RBFOX1: variants seen among roughly 807,000 people sequenced by gnomAD.
RBFOX1 encodes RNA binding protein fox-1 homolog 1.
Under a neutral mutation model 57.7 loss-of-function variants are expected in RBFOX1, and 8 were observed. The observed-to-expected ratio is 0.14, with a 90% confidence interval of 0.08 to 0.25. The LOEUF (loss-of-function observed/expected upper bound fraction) is 0.25, where lower values mean the gene tolerates loss of function less well. Among genes scored for constraint, RBFOX1 ranks in the 10% least tolerant of loss-of-function variants. The pLI is 1.00. For missense variants in RBFOX1, 611 were observed against 548.5 expected (o/e 1.11, Z -1.14); for synonymous variants, 326 against 222.4 (o/e 1.47, Z -4.15).
intron 1 of RBFOX1, among the ~76,000 whole-genome samples, chr16:6,239,298 T>A (rs1427792273): frequency 6.6e-6 from 1 of 152,086 alleles, no homozygotes; most frequent in Non-Finnish European, 1.5e-5. Context: ...TTACAGTCCT[T>A]GTTGGGGTTA....
chr16:6,897,174 G>C (rs188314619), intron 3 of RBFOX1, among the ~76,000 whole-genome samples: 51 of 152,328 alleles, frequency 3.3e-4, no homozygotes, highest in African/African-American at 1.1e-3. Context: ...CTGTAGAGTA[G>C]AGATTTAAAC....
At chr16:6,231,064 A>C (rs1019087164) in intron 1 of RBFOX1, among the ~76,000 whole-genome samples, 2 of 152,160 alleles carry the variant, frequency 1.3e-5, no homozygotes, top group Non-Finnish European at 2.9e-5. Context: ...GATAGAAACT[A>C]ATTAAAGAAG....
In RBFOX1 at chr16:6,116,755, A is replaced by T. The variant is rs566442725; in HGVS notation, c.-127+96763A>T. 7.2e-5 allele frequency among the ~76,000 whole-genome samples: 11 copies of T among 152,282 alleles called. 2 individuals carry two copies. The South Asian group carries it at 2.3e-3, about 32-fold the overall frequency. On this transcript the variant is annotated intron_variant, in intron 1 of 15. Transcript: ENST00000550418. ...GTACACATACCTCAGCTGATAGGGG[A>T]GAAAACAGAACTCCCGTGAATAAGA...
intron 14 of RBFOX1, among the ~76,000 whole-genome samples, chr16:7,705,713 A>T (rs1261187685): frequency 6.6e-6 from 1 of 152,142 alleles, no homozygotes. Context: ...GAGAGATTTG[A>T]TACATGTAAA....
chr16:7,359,230 G>C (rs1265373320), intron 4 of RBFOX1, among the ~76,000 whole-genome samples: 1 of 152,146 alleles, frequency 6.6e-6, no homozygotes, highest in African/African-American at 2.4e-5. Flanking sequence ...ACCTCTCAGA[G>C]GGACGATTAT....
intron 1 of RBFOX1, among the ~76,000 whole-genome samples, chr16:5,395,034 G>A (rs144381153): frequency 1.3e-5 from 2 of 152,266 alleles, no homozygotes; most frequent in East Asian, 1.9e-4. Flanking sequence ...TTTCAAGCCA[G>A]GTGCTCGACA....
At chr16:5,436,709 A>G (rs2067928683) in intron 1 of RBFOX1, among the ~76,000 whole-genome samples, 1 of 151,460 alleles carries the variant, frequency 6.6e-6, no homozygotes, top group South Asian at 2.1e-4. Flanking sequence ...GTGGTGGTGG[A>G]TGCCTGTAAT....
intron 4 of RBFOX1, among the ~76,000 whole-genome samples, chr16:7,502,427 G>T (rs1172913776): frequency 1.3e-5 from 2 of 152,288 alleles, no homozygotes; most frequent in East Asian, 3.9e-4. Flanking sequence ...TATAAACAAT[G>T]TAGGGGTGGC....
rs183046868 is a variant in RBFOX1, at chr16:7,048,442, G to C, written c.-15-3615G>C. On this transcript the variant is annotated intron_variant, in intron 3 of 15. Transcript: ENST00000550418. Reference sequence around the variant, plus strand: ...ACCCAGCTAATTTTTTGTATTTTTAGTAGAGACAGGGTTTCATCGTATTAG... The same window carrying C: ...ACCCAGCTAATTTTTTGTATTTTTACTAGAGACAGGGTTTCATCGTATTAG... 3.3e-5 allele frequency among the ~76,000 whole-genome samples: 5 copies of C among 151,962 alleles called. No individual in the cohort carries two copies. In the East Asian group the frequency reaches 7.8e-4, roughly 24 times the overall value.
At chr16:6,043,417 C>T (rs1441428540) in intron 1 of RBFOX1, among the ~76,000 whole-genome samples, 1 of 152,154 alleles carries the variant, frequency 6.6e-6, no homozygotes, top group Non-Finnish European at 1.5e-5. Flanking sequence ...TTTTGATTTC[C>T]TTCAGAGTCT....
At chr16:6,718,000 CCACCACCACCGTCAT>C (rs957993241) in intron 3 of RBFOX1, among the ~76,000 whole-genome samples, 2 of 152,158 alleles carry the variant, frequency 1.3e-5, no homozygotes, top group African/African-American at 4.8e-5. Context: ...CCATTTTCTA[CCACCACCACCGTCAT>C]CACCACCATC....
At chr16:7,549,811 G>T (rs2085763587) in intron 5 of RBFOX1, among the ~76,000 whole-genome samples, 1 of 152,154 alleles carries the variant, frequency 6.6e-6, no homozygotes, top group African/African-American at 2.4e-5. Context: ...CCAGTCCACT[G>T]ACTCAATGAT....
intron 2 of RBFOX1, among the ~76,000 whole-genome samples, chr16:5,485,752 C>G (rs1157119674): frequency 6.6e-6 from 1 of 152,192 alleles, no homozygotes; most frequent in East Asian, 1.9e-4. Context: ...TAAACACCGT[C>G]CAGAACTTCA....
At chr16:7,380,476 T>G (rs2097766617) in intron 4 of RBFOX1, among the ~76,000 whole-genome samples, 1 of 152,240 alleles carries the variant, frequency 6.6e-6, no homozygotes, top group Non-Finnish European at 1.5e-5. Context: ...ACATATAAAT[T>G]ATGTACTTCA....
chr16:6,497,178 C>A (rs1302811458), intron 2 of RBFOX1, among the ~76,000 whole-genome samples: 1 of 152,100 alleles, frequency 6.6e-6, no homozygotes, highest in Non-Finnish European at 1.5e-5. Context: ...TGGCAACAGG[C>A]CGACTAAACC....
chr16:6,289,693 A>T (rs913255702), intron 1 of RBFOX1, among the ~76,000 whole-genome samples: 2 of 152,270 alleles, frequency 1.3e-5, no homozygotes, highest in African/African-American at 4.8e-5. Context: ...GAGCAATAGG[A>T]ATTATAAAAT....
intron 3 of RBFOX1, among the ~76,000 whole-genome samples, chr16:5,763,109 G>C (rs755718932): frequency 3.3e-5 from 5 of 152,174 alleles, no homozygotes; most frequent in African/African-American, 7.2e-5. Flanking sequence ...ATCAAGACAA[G>C]AAAGTAGAAC....
intron 3 of RBFOX1, among the ~76,000 whole-genome samples, chr16:6,763,508 A>C (rs557481409): frequency 9.2e-5 from 14 of 152,306 alleles, no homozygotes; most frequent in Middle Eastern, 3.4e-3. Context: ...CCTCTCCTCC[A>C]ACCTGGTTGA....
At chr16:7,686,686 T>G (rs898338637) in intron 14 of RBFOX1, among the ~76,000 whole-genome samples, 1 of 152,116 alleles carries the variant, frequency 6.6e-6, no homozygotes, top group African/African-American at 2.4e-5. Context: ...TCTCAATTTT[T>G]CCAAATGAAG....
Sources: allele counts gnomAD v4.1 joint callset (sites outside exome capture counted in the v4.1 genomes callset), GRCh38; gene constraint gnomAD v4.1.1; transcripts MANE v1.5; gene names NCBI Gene and HGNC (gene_info 2026-07-23, HGNC 2026-07-21).